The following PLSCR3 variants were observed in gnomAD, a reference collection of about 807,000 sequenced individuals.
PLSCR3 encodes the protein phospholipid scramblase 3.
In PLSCR3, 17 loss-of-function variants were observed where a neutral mutation model predicts 33.7. The observed-to-expected ratio is 0.50, with a 90% CI of 0.35 to 0.76. The LOEUF (loss-of-function observed/expected upper bound fraction) is 0.76. PLSCR3 is among the 30% of genes least tolerant of loss of function. PLSCR3 has a pLI of 0.01. For synonymous variants in PLSCR3, 166 were observed against 166.0 expected (o/e 1.00, Z 0.00); for missense variants, 360 against 394.1 (o/e 0.91, Z 0.73).
chr17:7,394,193 C>A lies in PLSCR3; in HGVS notation c.-83G>T. On this transcript the variant is annotated 5_prime_UTR_variant, in exon 2 of 8. Transcript: ENST00000619711. The surrounding 1 kb of genome is among the most constrained non-coding windows in gnomAD (Gnocchi z 5.3). ...GGAGGCAAACTCGGAGATAGCCAGA[C>A]AGACACAGAGACAGACACAAAGACG... The A allele has an allele frequency of 7.4e-7, 1 of 1,348,770 alleles. No individual in the cohort carries two copies. Among genetic ancestry groups the A allele is most frequent in the South Asian group, 1.2e-5 (1 of 83,706 alleles). The allele number at this position is 1,348,770 out of a possible 1,614,324, so 83.6% of individuals were successfully genotyped here. A position where few individuals can be genotyped will look rare whatever the true frequency, so the allele number is the denominator to read the frequency against.
intron 5 of PLSCR3, 89 bp from the exon 6 acceptor site, chr17:7,393,041 C>T (rs1171543483): frequency 1.3e-6 from 2 of 1,505,796 alleles, no homozygotes; most frequent in Admixed American, 2.0e-5. Context: ...ACCTCCCATC[C>T]CCACCTGCCC....
Position 7,391,178 on chromosome 17 carries a change from T to C in PLSCR3, c.670-383A>G, listed in dbSNP as rs1033664114. On this transcript the variant is annotated intron_variant, in intron 6 of 7. Coordinates refer to ENST00000619711, the MANE Select transcript of PLSCR3 (RefSeq NM_020360.4). The surrounding 1 kb of genome is among the most constrained non-coding windows in gnomAD (Gnocchi z 4.1). ...TTCCCAATGCCCCTGCCACCCACAATTGGCACAGCTTGTGCCCTACACAAA... is the reference window on the plus strand; with the variant it reads ...TTCCCAATGCCCCTGCCACCCACAACTGGCACAGCTTGTGCCCTACACAAA... Among the ~76,000 whole-genome samples, 4 of 152,164 alleles carry C rather than the reference T, an allele frequency of 2.6e-5. No homozygotes were observed. The highest frequency in any genetic ancestry group is 1.9e-4 in the East Asian group (1 of 5,198).
Position 7,394,061 on chromosome 17 carries a change from C to T in PLSCR3, c.7+43G>A, listed in dbSNP as rs1482115632. 1.2e-6 allele frequency: 2 copies of T among 1,606,174 alleles called. No individual in the cohort carries two copies. The highest frequency in any genetic ancestry group is 1.7e-6 in the Non-Finnish European group (2 of 1,175,516). On this transcript the variant is annotated intron_variant, in intron 2 of 7. Transcript: ENST00000619711. This position sits in a 1 kb window ranked among gnomAD's most constrained non-coding sequence, Gnocchi z 5.3. Reference sequence around the variant, plus strand: ...TGTGTTCAAACCCGGCTCCCAAGTCCGTGGGGGGGATAACGGAGACCCCCA... The same window carrying T: ...TGTGTTCAAACCCGGCTCCCAAGTCTGTGGGGGGGATAACGGAGACCCCCA...
chr17:7,392,209 C>CA (rs750121876), intron 6 of PLSCR3, among the ~76,000 whole-genome samples: 1 of 151,944 alleles, frequency 6.6e-6, no homozygotes, highest in Non-Finnish European at 1.5e-5. Flanking sequence ...AAAAAACAAA[C>CA]AAAAAAAGAA....
Position 7,393,955 on chromosome 17 carries a change from T to C in PLSCR3, c.8-119A>G, listed in dbSNP as rs982831835. ...CGTGGTGGCAAGAGGCAGAGAAAGA[T>C]GGGGCAGGGGAGCAGGGTGGAGGTT... On this transcript the variant is annotated intron_variant, in intron 2 of 7. Coordinates refer to ENST00000619711, the MANE Select transcript of PLSCR3 (RefSeq NM_020360.4). 22 of 1,141,386 alleles carry C rather than the reference T, an allele frequency of 1.9e-5. No homozygotes were observed. In the African/African-American group the frequency reaches 3.0e-4, roughly 15 times the overall value. The allele number at this position is 1,141,386 out of a possible 1,614,324, so 70.7% of individuals were successfully genotyped here. A position where few individuals can be genotyped will look rare whatever the true frequency, so the allele number is the denominator to read the frequency against.
At chr17:7,392,019 C>G (rs1344827983) in intron 6 of PLSCR3, among the ~76,000 whole-genome samples, 5 of 152,164 alleles carry the variant, frequency 3.3e-5, no homozygotes, top group Non-Finnish European at 5.9e-5. Flanking sequence ...AACCTCGTCT[C>G]TACTAAAAAT....
At position 7,390,099 on chromosome 17, in the gene PLSCR3, T is replaced by G; in HGVS notation, c.*286A>C. 1 of 326,160 alleles carries G rather than the reference T, an allele frequency of 3.1e-6. No individual in the cohort carries two copies. Among genetic ancestry groups the G allele is most frequent in the African/African-American group, 2.1e-5 (1 of 47,542 alleles). The allele number at this position is 326,160 out of a possible 1,614,324, so 20.2% of individuals were successfully genotyped here. A position where few individuals can be genotyped will look rare whatever the true frequency, so the allele number is the denominator to read the frequency against. ...GAGGCCTCCTTTGGAGCAGAGGCCCTGGAAGGGGGTGGGAGAGAGTGCATG... is the reference window on the plus strand; with the variant it reads ...GAGGCCTCCTTTGGAGCAGAGGCCCGGGAAGGGGGTGGGAGAGAGTGCATG... On this transcript the variant is annotated 3_prime_UTR_variant, in exon 8 of 8. Coordinates refer to ENST00000619711, the MANE Select transcript of PLSCR3 (RefSeq NM_020360.4).
chr17:7,393,726 C>G lies in PLSCR3; in HGVS notation c.118G>C (p.Ala40Pro), dbSNP rs778811511. The change falls in exon 3 of 8, where the codon GCC (alanine) becomes CCC (proline). Residue 40 changes from alanine (A) to proline (P), a missense_variant. Transcript: ENST00000619711. ...CCGGGAGCTGGGGCAGGTACCTGGG[C>G]GGGCACTGGCGCCTGCCCGGGCCCA... The part of the protein sequence containing the change: ...HPGPGQAPVP[A>P]QVPAPAPGFA... 6.6e-7 allele frequency: 1 copy of G among 1,526,014 alleles called. No individual in the cohort carries two copies. Among genetic ancestry groups the G allele is most frequent in the Non-Finnish European group, 8.7e-7 (1 of 1,146,824 alleles). The allele number at this position is 1,526,014 out of a possible 1,614,324, so 94.5% of individuals were successfully genotyped here.
rs1372676313 is a variant in PLSCR3 at position 7,393,716 on chromosome 17, G to A, written c.128C>T (p.Pro43Leu). The change falls in exon 3 of 8, where the codon CCT becomes CTT. Residue 43 changes from proline (P) to leucine (L), a missense_variant. Coordinates refer to ENST00000619711, the MANE Select transcript of PLSCR3 (RefSeq NM_020360.4). ...PGQAPVPAQV[P>L]APAPGFALFP... The stretch of plus-strand genomic sequence containing the variant: ...GAGGGCGAAGCCGGGAGCTGGGGCA[G>A]GTACCTGGGCGGGCACTGGCGCCTG... 22 of 1,540,156 alleles carry A rather than the reference G, an allele frequency of 1.4e-5. No individual in the cohort carries two copies. The highest frequency in any genetic ancestry group is 1.8e-5 in the Non-Finnish European group (21 of 1,152,712).
At position 7,394,120 on chromosome 17, in the gene PLSCR3, G is replaced by A. The variant is rs761206158; in HGVS notation, c.-10C>T. 14 of 1,613,262 alleles carry A rather than the reference G, an allele frequency of 8.7e-6. No homozygotes were observed. In the South Asian group the frequency reaches 1.4e-4, roughly 16 times the overall value. On this transcript the variant is annotated 5_prime_UTR_variant, in exon 2 of 8. Coordinates refer to ENST00000619711, the MANE Select transcript of PLSCR3 (RefSeq NM_020360.4). This position sits in a 1 kb window ranked among gnomAD's most constrained non-coding sequence, Gnocchi z 5.3. ...CGCACTTACCTGCCATGGGAGAAGGGCTGGGGTTTTCGAGATGATGGTGTC... is the reference window on the plus strand; with the variant it reads ...CGCACTTACCTGCCATGGGAGAAGGACTGGGGTTTTCGAGATGATGGTGTC...
Position 7,394,374 on chromosome 17 carries a change from G to C in PLSCR3, c.-158+103C>G. The C allele has an allele frequency of 2.1e-6, 1 of 469,134 alleles. No individual in the cohort carries two copies. Among genetic ancestry groups the C allele is most frequent in the Non-Finnish European group, 3.8e-6 (1 of 259,858 alleles). The allele number at this position is 469,134 out of a possible 1,614,324, so 29.1% of individuals were successfully genotyped here. On this transcript the variant is annotated intron_variant, in intron 1 of 7. Coordinates refer to ENST00000619711, the MANE Select transcript of PLSCR3 (RefSeq NM_020360.4). This position sits in a 1 kb window ranked among gnomAD's most constrained non-coding sequence, Gnocchi z 5.3. ...CCCCCTCCCTTTGTTCTCCCATCCT[G>C]CGGAGGAGGCTGTGGGCCGACGGCA...
intron 5 of PLSCR3, 37 bp from the exon 6 acceptor site, chr17:7,392,989 A>C (rs773948029): frequency 5.1e-6 from 8 of 1,583,858 alleles, no homozygotes; most frequent in Non-Finnish European, 6.9e-6. Flanking sequence ...CTGCGGAGGC[A>C]GGGGTCCCAG....
chr17:7,391,828 G>C lies in PLSCR3; in HGVS notation c.669+963C>G, dbSNP rs1905724527. On this transcript the variant is annotated intron_variant, in intron 6 of 7. Coordinates refer to ENST00000619711, the MANE Select transcript of PLSCR3 (RefSeq NM_020360.4). The surrounding 1 kb of genome is among the most constrained non-coding windows in gnomAD (Gnocchi z 4.1). ...GGTAGGGTACCTCATTAGAAGCGTTGGAAAGTCTACTGGATTATACCTGTT... is the reference window on the plus strand; with the variant it reads ...GGTAGGGTACCTCATTAGAAGCGTTCGAAAGTCTACTGGATTATACCTGTT... Among the ~76,000 whole-genome samples, 1 of 152,190 alleles carries C rather than the reference G, an allele frequency of 6.6e-6. No individual in the cohort carries two copies. Among genetic ancestry groups the C allele is most frequent in the Non-Finnish European group, 1.5e-5 (1 of 68,030 alleles).
In PLSCR3 at chr17:7,391,668, G is replaced by A. The variant is rs546201993; in HGVS notation, c.670-873C>T. ...TTTATAATTATGCAAAAGGGACACT[G>A]GCCCTATGAGAACCCCACAGCCTAT... On this transcript the variant is annotated intron_variant, in intron 6 of 7. Coordinates refer to ENST00000619711, the MANE Select transcript of PLSCR3 (RefSeq NM_020360.4). The surrounding 1 kb of genome is among the most constrained non-coding windows in gnomAD (Gnocchi z 4.1). Among the ~76,000 whole-genome samples the A allele has an allele frequency of 6.6e-6, 1 of 152,320 alleles. No homozygotes were observed. Among genetic ancestry groups the A allele is most frequent in the Admixed American group, 6.5e-5 (1 of 15,300 alleles).
chr17:7,394,236 G>GGC lies in PLSCR3; in HGVS notation c.-128_-127dup. 1 of 887,182 alleles carries GGC rather than the reference G, an allele frequency of 1.1e-6. No homozygotes were observed. Among genetic ancestry groups the GGC allele is most frequent in the Middle Eastern group, 2.7e-4 (1 of 3,696 alleles). 55.0% of individuals were successfully genotyped at this position (887,182 alleles called of 1,614,324 possible). A position where few individuals can be genotyped will look rare whatever the true frequency, so the allele number is the denominator to read the frequency against. On this transcript the variant is annotated 5_prime_UTR_variant, in exon 2 of 8. Coordinates refer to ENST00000619711, the MANE Select transcript of PLSCR3 (RefSeq NM_020360.4). This position sits in a 1 kb window ranked among gnomAD's most constrained non-coding sequence, Gnocchi z 5.3. ...CAAAGACGGAGAGGCAGCTGCGCCCGGCGCCGGCCCAGGGTCTCTTGGGCG... is the reference window on the plus strand; with the variant it reads ...CAAAGACGGAGAGGCAGCTGCGCCCGGCGCGCCGGCCCAGGGTCTCTTGGGCG...
rs970078748 is a variant in PLSCR3 at position 7,390,034 on chromosome 17, A to G, written c.*351T>C. 1 of 209,650 alleles carries G rather than the reference A, an allele frequency of 4.8e-6. No homozygotes were observed. Among genetic ancestry groups the G allele is most frequent in the African/African-American group, 2.3e-5 (1 of 43,508 alleles). 13.0% of individuals were successfully genotyped at this position (209,650 alleles called of 1,614,324 possible). On this transcript the variant is annotated 3_prime_UTR_variant, in exon 8 of 8. Transcript: ENST00000619711. ...TCTTTGGTGCAGCTTGCCCTTCCAC[A>G]CCCCAGCCCTCTTGTAAAACCCCAG...
chr17:7,393,630 C>G lies in PLSCR3; in HGVS notation c.214G>C (p.Val72Leu). The change falls in exon 3 of 8, where the codon GTG (valine) becomes CTG (leucine). Residue 72 changes from valine to leucine, a missense_variant. By Grantham distance (32) the Val-to-Leu change is conservative (BLOSUM62 1). Transcript: ENST00000619711. ...SAAPFLPLPG[V>L]PSGLEFLVQI... Reference sequence around the variant, plus strand: ...ACCAGGAATTCGAGGCCAGAAGGCACCCCTGGCAGTGGCAAGAAGGGGGCA... The same window carrying G: ...ACCAGGAATTCGAGGCCAGAAGGCAGCCCTGGCAGTGGCAAGAAGGGGGCA... 1 of 1,611,748 alleles carries G rather than the reference C, an allele frequency of 6.2e-7. No homozygotes were observed. Among genetic ancestry groups the G allele is most frequent in the Non-Finnish European group, 8.5e-7 (1 of 1,179,870 alleles).
intron 6 of PLSCR3, among the ~76,000 whole-genome samples, chr17:7,392,370 G>A (rs1386274414): frequency 6.6e-6 from 1 of 152,166 alleles, no homozygotes; most frequent in African/African-American, 2.4e-5. Context: ...TTTCGGAATG[G>A]CAGGGGCATT....
intron 6 of PLSCR3, 67 bp from the exon 7 acceptor site, chr17:7,390,862 C>T (rs1905629862): frequency 1.3e-6 from 2 of 1,529,258 alleles, no homozygotes; most frequent in Non-Finnish European, 1.8e-6. Context: ...GCTCCAGTCT[C>T]ATTCCCACAG....
Sources: allele counts gnomAD v4.1 joint callset (sites outside exome capture counted in the v4.1 genomes callset), GRCh38; gene constraint gnomAD v4.1.1; non-coding constraint Gnocchi (gnomAD v3.1); transcripts MANE v1.5; gene names NCBI Gene and HGNC (gene_info 2026-07-23, HGNC 2026-07-21).